GPHN: variants seen among roughly 807,000 people sequenced by gnomAD.
The protein encoded by GPHN is gephyrin.
Under a neutral mutation model 95.5 loss-of-function variants are expected in GPHN, and 17 were observed. The observed-to-expected ratio is 0.18, with a 90% CI of 0.12 to 0.27. GPHN has a LOEUF of 0.27. Ranked by LOEUF, GPHN falls within the 10% of genes least tolerant of loss-of-function variation. GPHN has a pLI of 1.00. For synonymous variants in GPHN, 320 were observed against 322.5 expected, an observed-to-expected ratio of 0.99 and a Z score of 0.08; for missense variants, 660 against 978.1, an observed-to-expected ratio of 0.67 and a Z score of 4.34.
At chr14:67,599,356 A>G in the GPHN span, among the ~76,000 whole-genome samples, 55 of 152,330 alleles carry the variant, frequency 3.6e-4, no homozygotes, top group African/African-American at 1.2e-3. Flanking sequence ...CATGAATTCT[A>G]TTTTAGAGAT....
At chr14:67,193,730 C>T in the GPHN span, among the ~76,000 whole-genome samples, 1 of 147,820 alleles carries the variant, frequency 6.8e-6, no homozygotes, top group South Asian at 2.1e-4. Flanking sequence ...ATCACTTGAG[C>T]CCAGGAGTTT....
chr14:66,830,836 G>C (rs1455494180), intron 4 of GPHN, among the ~76,000 whole-genome samples: 3 of 151,960 alleles, frequency 2.0e-5, no homozygotes, highest in African/African-American at 7.2e-5. Context: ...TAGGTTATTA[G>C]ATTTTTTTCA....
the GPHN span, among the ~76,000 whole-genome samples, chr14:67,468,888 C>G: frequency 6.6e-6 from 1 of 151,928 alleles, no homozygotes; most frequent in Non-Finnish European, 1.5e-5. Context: ...GAGTGAGATT[C>G]TGTCTCAAAA....
chr14:67,177,580 G>A (rs374232899), intron 21 of GPHN, among the ~76,000 whole-genome samples: 35 of 152,314 alleles, frequency 2.3e-4, no homozygotes, highest in African/African-American at 7.9e-4. Flanking sequence ...GAGTTCTGTA[G>A]ATGTCTATTA....
chr14:66,945,389 C>T (rs771120893), intron 8 of GPHN, among the ~76,000 whole-genome samples: 1 of 152,146 alleles, frequency 6.6e-6, no homozygotes, highest in Non-Finnish European at 1.5e-5. Context: ...CTCCAGGGAA[C>T]CTCCACCTTA....
chr14:66,703,476 T>TG (rs1200394486), intron 2 of GPHN, among the ~76,000 whole-genome samples: 2 of 152,322 alleles, frequency 1.3e-5, no homozygotes, highest in African/African-American at 4.8e-5. Flanking sequence ...CAGAAGAGAT[T>TG]GGGGGCCAAT....
At chr14:66,892,321 G>T (rs1408706112) in intron 5 of GPHN, among the ~76,000 whole-genome samples, 1 of 152,140 alleles carries the variant, frequency 6.6e-6, no homozygotes, top group Non-Finnish European at 1.5e-5. Context: ...TACTCAGGAG[G>T]ATGAGGGAGG....
rs34458945 is a variant in GPHN, at chr14:67,053,191, GA to G, written c.1007-5449del. Among the ~76,000 whole-genome samples, 22 of 126,526 alleles carry G rather than the reference GA, an allele frequency of 1.7e-4. 1 individual carries two copies. In the South Asian group the frequency reaches 1.9e-3, roughly 11 times the overall value. 83.0% of individuals were successfully genotyped at this position (126,526 alleles called of 152,430 possible). On this transcript the variant is annotated intron_variant, in intron 10 of 22. Coordinates refer to ENST00000478722, the MANE Select transcript of GPHN (RefSeq NM_020806.5). ...AGCTGGTTTGTTTTTTTTTTTTTTGGAAAAAAAAATTAATAAAATAGACTAC... is the reference window on the plus strand; with the variant it reads ...AGCTGGTTTGTTTTTTTTTTTTTTGGAAAAAAAATTAATAAAATAGACTAC...
chr14:67,663,248 ATTGTC>A, the GPHN span: 1 of 1,175,994 alleles, frequency 8.5e-7, no homozygotes, highest in South Asian at 1.4e-5. Flanking sequence ...CTAAAACAGT[ATTGTC>A]TTAATTGTAT....
At chr14:67,452,548 A>C in the GPHN span, among the ~76,000 whole-genome samples, 12 of 152,316 alleles carry the variant, frequency 7.9e-5, 1 homozygote, top group South Asian at 8.3e-4. Flanking sequence ...TACAAGGTCC[A>C]AGTGGCCCTG....
intron 1 of GPHN, among the ~76,000 whole-genome samples, chr14:66,606,077 T>G (rs562537407): frequency 4.9e-4 from 75 of 152,288 alleles, no homozygotes; most frequent in African/African-American, 1.7e-3. Context: ...AAACCTGATG[T>G]CAAGAAGTGC....
chr14:67,506,902 T>C, the GPHN span, among the ~76,000 whole-genome samples: 1 of 152,148 alleles, frequency 6.6e-6, no homozygotes, highest in Non-Finnish European at 1.5e-5. Flanking sequence ...GAGAATGGCT[T>C]GAACACAGGA....
rs576399350 is a variant in GPHN, at chr14:66,804,496, T to C, written c.202-19978T>C. 1.6e-4 allele frequency among the ~76,000 whole-genome samples: 24 copies of C among 152,332 alleles called. No individual in the cohort carries two copies. The East Asian group carries it at 2.3e-3, about 15-fold the overall frequency. ...CATGCTTCTGTATACCACCAGAATC[T>C]ACAATTGCTCCAAGGAGAAAAACAT... On this transcript the variant is annotated intron_variant, in intron 3 of 22. Transcript: ENST00000478722.
chr14:67,399,247 G>A, the GPHN span, among the ~76,000 whole-genome samples: 1 of 151,900 alleles, frequency 6.6e-6, no homozygotes, highest in Non-Finnish European at 1.5e-5. Context: ...TGGCTGTCAG[G>A]TGGCAGGAAT....
intron 9 of GPHN, among the ~76,000 whole-genome samples, chr14:66,983,145 A>C (rs553578990): frequency 6.6e-6 from 1 of 152,112 alleles, no homozygotes; most frequent in Non-Finnish European, 1.5e-5. Context: ...TCAGCTATTC[A>C]GGAGGCTGAG....
chr14:66,648,070 T>C (rs1034662988), intron 1 of GPHN, among the ~76,000 whole-genome samples: 1 of 152,128 alleles, frequency 6.6e-6, no homozygotes, highest in Admixed American at 6.5e-5. Flanking sequence ...TGGAGATAAG[T>C]TTTATGATTG....
chr14:67,155,999 T>A (rs1193042089), intron 18 of GPHN, among the ~76,000 whole-genome samples: 1 of 152,182 alleles, frequency 6.6e-6, no homozygotes, highest in Non-Finnish European at 1.5e-5. Flanking sequence ...TAGGGAACTC[T>A]ATAGTCATCA....
the GPHN span, among the ~76,000 whole-genome samples, chr14:67,351,446 C>T: frequency 6.6e-6 from 1 of 152,128 alleles, no homozygotes; most frequent in Non-Finnish European, 1.5e-5. Context: ...TTATATGTAA[C>T]TCAGAAGCTA....
At position 66,911,006 on chromosome 14, in the gene GPHN, G is replaced by A. The variant is rs1348291204; in HGVS notation, c.390-4997G>A. Among the ~76,000 whole-genome samples the A allele has an allele frequency of 2.0e-5, 3 of 151,936 alleles. No individual in the cohort carries two copies. The East Asian group carries it at 5.8e-4, about 29-fold the overall frequency. On this transcript the variant is annotated intron_variant, in intron 5 of 22. Coordinates refer to ENST00000478722, the MANE Select transcript of GPHN (RefSeq NM_020806.5). ...AGAAAACCAAGTTGTATAAGAATAT[G>A]CACAGTATGATTTCATTTGTATATA...
Sources: allele counts gnomAD v4.1 joint callset (sites outside exome capture counted in the v4.1 genomes callset), GRCh38; gene constraint gnomAD v4.1.1; transcripts MANE v1.5; gene names NCBI Gene and HGNC (gene_info 2026-07-23, HGNC 2026-07-21).